The following OTOGL variants were observed in gnomAD, a reference collection of about 807,000 sequenced individuals.
OTOGL encodes otogelin-like protein.
In OTOGL, 285 loss-of-function variants were observed where a neutral mutation model predicts 318.5. That is an observed-to-expected ratio of 0.89 (90% CI 0.81 to 0.99). The LOEUF (loss-of-function observed/expected upper bound fraction) is 0.99. Ranked by LOEUF, OTOGL falls within the 50% of genes least tolerant of loss-of-function variation. The probability of loss-of-function intolerance (pLI) is 0.00; values close to 1 mark genes in which losing one functional copy is unlikely to be tolerated. For synonymous variants in OTOGL, 987 were observed against 936.5 expected, an observed-to-expected ratio of 1.05 and a Z score of -0.99; for missense variants, 2,899 against 2,845.6, an observed-to-expected ratio of 1.02 and a Z score of -0.43.
Position 80,358,300 on chromosome 12 carries a change from C to T in OTOGL, c.6072C>T (p.Leu2024=), listed in dbSNP as rs1167937447. ...CACTATGTCATGATGGGGAATTTCT[C>T]ACAGTAGATCTTAATAGCACACACT... ...PVPLCHDGEF[L]TVDLNSTHFC... is the part of the protein sequence containing the mutation. Residue 2024 remains leucine, a synonymous_variant, in exon 50 of 59, where the codon CTC becomes CTT. Coordinates refer to ENST00000547103, the MANE Select transcript of OTOGL (RefSeq NM_001378609.3). 6.2e-7 allele frequency: 1 copy of T among 1,611,634 alleles called. No individual in the cohort carries two copies.
chr12:80,190,824 T>C (rs1469308248), intron 1 of OTOGL, among the ~76,000 whole-genome samples: 1 of 138,150 alleles, frequency 7.2e-6, no homozygotes, highest in East Asian at 2.1e-4. Flanking sequence ...AAAGAGTGAA[T>C]CCAAGTTTTG....
At chr12:80,147,738 C>T (rs1369666248) in intron 1 of OTOGL, among the ~76,000 whole-genome samples, 1 of 152,186 alleles carries the variant, frequency 6.6e-6, no homozygotes, top group East Asian at 1.9e-4. Flanking sequence ...TCTGGGTGCT[C>T]CTGTATTGGG....
intron 13 of OTOGL, 105 bp from the exon 14 acceptor site, chr12:80,253,361 C>A: frequency 3.1e-6 from 3 of 966,856 alleles, no homozygotes; most frequent in Non-Finnish European, 4.7e-6. Context: ...GTATTTCCAG[C>A]ATCATGCGTA....
intron 1 of OTOGL, among the ~76,000 whole-genome samples, chr12:80,151,790 T>C (rs1230607722): frequency 1.3e-5 from 2 of 152,208 alleles, no homozygotes; most frequent in Non-Finnish European, 2.9e-5. Context: ...CTAATGTCAC[T>C]GTGAACGTGA....
At chr12:80,325,726 A>G (rs1466985961) in intron 35 of OTOGL, among the ~76,000 whole-genome samples, 2 of 152,226 alleles carry the variant, frequency 1.3e-5, no homozygotes, top group African/African-American at 2.4e-5. Flanking sequence ...TCAGGATGAC[A>G]GCATGTAACA....
chr12:80,166,145 T>C (rs1274513594), intron 1 of OTOGL, among the ~76,000 whole-genome samples: 1 of 152,138 alleles, frequency 6.6e-6, no homozygotes, highest in African/African-American at 2.4e-5. Flanking sequence ...AAAGATAGCA[T>C]GTACAGTGTA....
rs891526669 is a variant in OTOGL at position 80,156,902 on chromosome 12, G to A, written c.-19-52511G>A. On this transcript the variant is annotated intron_variant, in intron 1 of 58. Transcript: ENST00000547103. ...TGTGAAGAGTGCTGCAAAAATTATG[G>A]GAGTGCAGGTATCTCTTCCATATAC... is the stretch of plus-strand genomic sequence containing the variant. Among the ~76,000 whole-genome samples, 18 of 152,068 alleles carry A rather than the reference G, an allele frequency of 1.2e-4. No homozygotes were observed. The Middle Eastern group carries it at 0.017, about 145-fold the overall frequency.
chr12:80,292,480 A>G (rs1885110659), intron 26 of OTOGL, among the ~76,000 whole-genome samples: 1 of 152,200 alleles, frequency 6.6e-6, no homozygotes, highest in African/African-American at 2.4e-5. Context: ...TTTTCTCTCT[A>G]GTCTGATGGC....
chr12:80,294,074 C>T (rs1403694950), intron 26 of OTOGL, among the ~76,000 whole-genome samples: 1 of 151,976 alleles, frequency 6.6e-6, no homozygotes, highest in Non-Finnish European at 1.5e-5. Flanking sequence ...TTTTGAGGAG[C>T]CCAGGTGACA....
intron 1 of OTOGL, among the ~76,000 whole-genome samples, chr12:80,103,533 A>T (rs1197516916): frequency 6.6e-6 from 1 of 152,186 alleles, no homozygotes; most frequent in East Asian, 1.9e-4. Flanking sequence ...TGGATCTGTT[A>T]TATATTCAAA....
intron 30 of OTOGL, 117 bp from the exon 31 acceptor site, chr12:80,313,359 G>A: frequency 1.1e-6 from 1 of 893,466 alleles, no homozygotes; most frequent in South Asian, 1.7e-5. Flanking sequence ...AACTCTCTAG[G>A]TGGCAGTGTT....
intron 1 of OTOGL, among the ~76,000 whole-genome samples, chr12:80,130,821 A>G (rs992826440): frequency 6.6e-6 from 1 of 152,196 alleles, no homozygotes; most frequent in Admixed American, 6.5e-5. Context: ...ATTCCCACAT[A>G]TCTGCCATAT....
At position 80,341,961 on chromosome 12, in the gene OTOGL, AG is replaced by A. The variant is rs765003939; in HGVS notation, c.5065del (p.Asp1689IlefsTer6). On this transcript the variant is annotated frameshift_variant, in exon 44 of 59. Transcript: ENST00000547103. LOFTEE classifies it high-confidence loss of function. ...TEGLCGICNEDPDDDLRMQNG... is the reference protein window; with the variant it reads ...TEGLCGICNEXPDDDLRMQNG... ...TATTCTTTCAAGGAATTTGCAATGA[AG>A]ATCCGGATGATGATCTAAGGATGCA... 1.9e-6 allele frequency: 3 copies of A among 1,603,046 alleles called. No individual in the cohort carries two copies. In the East Asian group the frequency reaches 6.7e-5, roughly 36 times the overall value.
At chr12:80,216,741 A>G (rs1877759875) in intron 4 of OTOGL, among the ~76,000 whole-genome samples, 1 of 152,178 alleles carries the variant, frequency 6.6e-6, no homozygotes, top group Non-Finnish European at 1.5e-5. Context: ...AGGGTAAGTA[A>G]TTACGGAGTC....
chr12:80,347,462 G>T lies in OTOGL; in HGVS notation c.5266-4833G>T, dbSNP rs149734782. Among the ~76,000 whole-genome samples, 499 of 152,294 alleles carry T rather than the reference G, an allele frequency of 3.3e-3. 3 individuals are homozygous for T. The highest frequency in any genetic ancestry group is 0.011 in the African/African-American group (471 of 41,558). On this transcript the variant is annotated intron_variant, in intron 44 of 58. Transcript: ENST00000547103. ...CCAGCTTCATCCATGTCCCTGCAAA[G>T]ACATGAATTCATCCTTTTTTATGGC...
At chr12:80,344,874 T>A (rs1889059939) in intron 44 of OTOGL, among the ~76,000 whole-genome samples, 1 of 150,932 alleles carries the variant, frequency 6.6e-6, no homozygotes, top group African/African-American at 2.4e-5. Context: ...GATAAATTTT[T>A]ATAATTTTTT....
intron 43 of OTOGL, among the ~76,000 whole-genome samples, chr12:80,340,243 A>T (rs1304076787): frequency 2.0e-5 from 3 of 152,138 alleles, no homozygotes; most frequent in Non-Finnish European, 4.4e-5. Flanking sequence ...TCAATAAATT[A>T]CACAAAATAT....
In OTOGL at chr12:80,356,022, T is replaced by C. The variant is rs897559398; in HGVS notation, c.5806+74T>C. ...ATATTCTTTGTGAAAAAGCAGAGCA[T>C]ATATAATGCTTTGTATTTTTAAAAA... On this transcript the variant is annotated intron_variant, in intron 47 of 58. Transcript: ENST00000547103. The C allele has an allele frequency of 3.4e-6, 5 of 1,460,030 alleles. No homozygotes were observed. In the African/African-American group the frequency reaches 7.1e-5, roughly 21 times the overall value. The allele number at this position is 1,460,030 out of a possible 1,614,324, so 90.4% of individuals were successfully genotyped here.
At chr12:80,099,825 C>T (rs1338347242) in intron 1 of OTOGL, among the ~76,000 whole-genome samples, 1 of 152,118 alleles carries the variant, frequency 6.6e-6, no homozygotes, top group Non-Finnish European at 1.5e-5. Context: ...TAGCATAATG[C>T]TTCCTTTGAT....
Sources: gnomAD v4.1 joint callset for allele counts (sites outside exome capture counted in the v4.1 genomes callset) on GRCh38, gnomAD v4.1.1 for gene constraint, MANE v1.5 for transcripts, NCBI Gene and HGNC (gene_info 2026-07-23, HGNC 2026-07-21) for gene names.